Variants in CRACD observed in about 807,000 individuals in gnomAD.
The protein encoded by CRACD is capping protein-inhibiting regulator of actin dynamics.
In CRACD, 56 loss-of-function variants were observed where a neutral mutation model predicts 106.8. That is an observed-to-expected ratio of 0.52 (90% CI 0.42 to 0.66). The LOEUF (loss-of-function observed/expected upper bound fraction) is 0.66, where lower values mean the gene tolerates loss of function less well. Among genes scored for constraint, CRACD ranks in the 30% least tolerant of loss-of-function variants. CRACD has a pLI of 0.00. For missense variants in CRACD, 1,730 were observed against 1,623.2 expected, an observed-to-expected ratio of 1.07 and a Z score of -1.13; for synonymous variants, 754 against 670.8, an observed-to-expected ratio of 1.12 and a Z score of -1.92.
chr4:56,127,482 G>A (rs894772089), intron 1 of CRACD, among the ~76,000 whole-genome samples: 2 of 152,206 alleles, frequency 1.3e-5, no homozygotes, highest in South Asian at 4.1e-4. Context: ...GTTTAAAAAG[G>A]ATAAATTTTT....
intron 2 of CRACD, among the ~76,000 whole-genome samples, chr4:56,270,520 G>A (rs773606040): frequency 2.7e-4 from 41 of 152,314 alleles, no homozygotes; most frequent in Non-Finnish European, 1.8e-4. Context: ...TGGGTGGAAG[G>A]TGGGGGAGTT....
At chr4:56,058,182 G>A (rs1343212019) in intron 1 of CRACD, among the ~76,000 whole-genome samples, 1 of 152,118 alleles carries the variant, frequency 6.6e-6, no homozygotes, top group East Asian at 1.9e-4. Flanking sequence ...CGATTCTCCT[G>A]CCTCAGCCTC....
intron 3 of CRACD, among the ~76,000 whole-genome samples, chr4:56,280,006 A>G (rs937757999): frequency 2.0e-5 from 3 of 151,864 alleles, no homozygotes; most frequent in African/African-American, 7.3e-5. Context: ...ACATGGATGA[A>G]GCTGGAAACC....
chr4:56,116,992 G>A (rs1339893439), intron 1 of CRACD, among the ~76,000 whole-genome samples: 1 of 148,490 alleles, frequency 6.7e-6, no homozygotes, highest in Non-Finnish European at 1.5e-5. Context: ...ACAGACATGA[G>A]CCACCACACC....
intron 3 of CRACD, among the ~76,000 whole-genome samples, chr4:56,280,608 G>A (rs1273868463): frequency 6.6e-6 from 1 of 151,640 alleles, no homozygotes; most frequent in Non-Finnish European, 1.5e-5. Context: ...CCGGCACATA[G>A]CAGGTATTCA....
intron 4 of CRACD, among the ~76,000 whole-genome samples, chr4:56,302,027 C>A (rs1744399104): frequency 6.6e-6 from 1 of 152,040 alleles, no homozygotes; most frequent in Non-Finnish European, 1.5e-5. Context: ...GAATGAGTGA[C>A]AGAATGCAGT....
At chr4:56,231,310 C>T (rs1022279122) in intron 2 of CRACD, among the ~76,000 whole-genome samples, 1 of 152,094 alleles carries the variant, frequency 6.6e-6, no homozygotes, top group African/African-American at 2.4e-5. Context: ...ACACATTGCT[C>T]GATGCCTGGA....
At chr4:56,190,908 A>G (rs766080523) in intron 2 of CRACD, among the ~76,000 whole-genome samples, 9 of 152,136 alleles carry the variant, frequency 5.9e-5, no homozygotes, top group Non-Finnish European at 1.0e-4. Context: ...CACTATCCTG[A>G]GAACAGCATG....
chr4:56,105,050 CTTGCCTGTAGAATA>C (rs971406880), intron 1 of CRACD, among the ~76,000 whole-genome samples: 2 of 151,270 alleles, frequency 1.3e-5, no homozygotes, highest in Admixed American at 1.3e-4. Context: ...ATAGAAAATA[CTTGCCTGTAGAATA>C]TTATTGATCT....
chr4:56,280,494 C>G (rs1423405570), intron 3 of CRACD, among the ~76,000 whole-genome samples: 1 of 152,210 alleles, frequency 6.6e-6, no homozygotes, highest in East Asian at 1.9e-4. Context: ...CAGCCTAGAT[C>G]AGGCCCCTTC....
chr4:56,147,612 T>C (rs1735434616), intron 1 of CRACD, among the ~76,000 whole-genome samples: 1 of 152,166 alleles, frequency 6.6e-6, no homozygotes, highest in African/African-American at 2.4e-5. Flanking sequence ...TGTATGCAAG[T>C]TTTTTGGTGG....
At chr4:56,310,801 T>TCC (rs1745111770) in intron 6 of CRACD, 67 bp downstream of exon 6, 34 of 673,114 alleles carry the variant, frequency 5.1e-5, no homozygotes, top group Middle Eastern at 3.4e-4. Flanking sequence ...CCCCCCCCTT[T>TCC]TTTTTTTTTG....
rs527535045 is a variant in CRACD at position 56,204,553 on chromosome 4, C to A, written c.-189+25123C>A. On this transcript the variant is annotated intron_variant, in intron 2 of 10. Transcript: ENST00000682029. ...ACTCATGAGGGCTTAGCACTTATGACCTGATCACCTCTTAAAGATCCCACC... is the reference window on the plus strand; with the variant it reads ...ACTCATGAGGGCTTAGCACTTATGAACTGATCACCTCTTAAAGATCCCACC... Among the ~76,000 whole-genome samples the A allele has an allele frequency of 3.9e-5, 6 of 152,244 alleles. No individual in the cohort carries two copies. The South Asian group carries it at 1.0e-3, about 26-fold the overall frequency.
intron 3 of CRACD, among the ~76,000 whole-genome samples, chr4:56,293,063 TA>T (rs908601031): frequency 2.6e-5 from 4 of 152,188 alleles, no homozygotes; most frequent in African/African-American, 9.7e-5. Flanking sequence ...ATTTGAGATC[TA>T]AAATATACTT....
chr4:56,136,145 C>A (rs1734991975), intron 1 of CRACD, among the ~76,000 whole-genome samples: 1 of 151,686 alleles, frequency 6.6e-6, no homozygotes, highest in South Asian at 2.1e-4. Context: ...TATGGCTATA[C>A]CATTTTGTTT....
chr4:56,175,922 AT>A (rs918943338), intron 1 of CRACD, among the ~76,000 whole-genome samples: 1 of 152,158 alleles, frequency 6.6e-6, no homozygotes, highest in African/African-American at 2.4e-5. Flanking sequence ...CAGGTCTTAC[AT>A]TTAATCTTTA....
intron 1 of CRACD, among the ~76,000 whole-genome samples, chr4:56,158,856 C>T (rs1290400375): frequency 6.6e-6 from 1 of 152,240 alleles, no homozygotes; most frequent in African/African-American, 2.4e-5. Flanking sequence ...TCAGCATTGT[C>T]CTGTGAACTC....
At chr4:56,296,913 T>TG (rs1439431424) in intron 3 of CRACD, among the ~76,000 whole-genome samples, 5 of 126,728 alleles carry the variant, frequency 3.9e-5, no homozygotes, top group African/African-American at 1.5e-4. Context: ...TTTCTTTTTT[T>TG]TTGTTTGTTT....
intron 1 of CRACD, among the ~76,000 whole-genome samples, chr4:56,078,919 A>G (rs893224643): frequency 6.6e-6 from 1 of 152,204 alleles, no homozygotes; most frequent in Non-Finnish European, 1.5e-5. Flanking sequence ...AGGCTACACA[A>G]AAGGGTGGCT....
Sources: allele counts gnomAD v4.1 joint callset (sites outside exome capture counted in the v4.1 genomes callset), GRCh38; gene constraint gnomAD v4.1.1; transcripts MANE v1.5; gene names NCBI Gene and HGNC (gene_info 2026-07-23, HGNC 2026-07-21).